GNAI1: variants seen among roughly 807,000 people sequenced by gnomAD.
The protein encoded by GNAI1 is guanine nucleotide-binding protein G(i) subunit alpha-1.
GNAI1 carries 11 observed loss-of-function variants against 38.9 expected under a neutral mutation model. The observed-to-expected ratio is 0.28, with a 90% CI of 0.18 to 0.47. The LOEUF is 0.47. Among genes scored for constraint, GNAI1 ranks in the 20% least tolerant of loss-of-function variants. The pLI is 0.99. For synonymous variants in GNAI1, 166 were observed against 145.1 expected (o/e 1.14, Z -1.04); for missense variants, 317 against 436.9 (o/e 0.73, Z 2.45).
chr7:80,135,599 G>C (rs949035566), intron 1 of GNAI1, among the ~76,000 whole-genome samples: 1 of 146,910 alleles, frequency 6.8e-6, no homozygotes, highest in East Asian at 2.0e-4. Context: ...TTGAAGTTTA[G>C]CTCAGCCTTG....
rs61749901 is a variant in GNAI1, at chr7:80,217,448, A to T, written c.1020A>T (p.Thr340=). The stretch of plus-strand genomic sequence containing the variant: ...TGCAGTTTGTTTTTGATGCTGTAAC[A>T]GATGTCATCATAAAAAATAATCTAA... ...KNVQFVFDAV[T]DVIIKNNLKD... is the part of the protein sequence containing the mutation. The change falls in exon 8 of 8, where the codon ACA becomes ACT. Residue 340 remains threonine (T), a synonymous_variant. Transcript: ENST00000649796. 3,164 of 1,606,074 alleles carry T rather than the reference A, an allele frequency of 2.0e-3. 8 individuals carry two copies. Among genetic ancestry groups the T allele is most frequent in the Non-Finnish European group, 2.6e-3 (3,009 of 1,177,098 alleles).
intron 4 of GNAI1, among the ~76,000 whole-genome samples, chr7:80,201,754 A>G (rs1417203280): frequency 2.0e-5 from 3 of 152,070 alleles, no homozygotes; most frequent in Non-Finnish European, 4.4e-5. Flanking sequence ...TATAAAATGA[A>G]AAATATGTTG....
At chr7:80,170,724 A>AC (rs1305335487) in intron 1 of GNAI1, among the ~76,000 whole-genome samples, 1 of 152,126 alleles carries the variant, frequency 6.6e-6, no homozygotes, top group Non-Finnish European at 1.5e-5. Context: ...TATCACCAGA[A>AC]CAGCACCAAA....
At chr7:80,164,277 C>T (rs1027587885) in intron 1 of GNAI1, among the ~76,000 whole-genome samples, 4 of 151,416 alleles carry the variant, frequency 2.6e-5, no homozygotes, top group South Asian at 4.2e-4. Flanking sequence ...CTCTTGACCT[C>T]GTGAGCTGCC....
intron 1 of GNAI1, among the ~76,000 whole-genome samples, chr7:80,159,761 A>C (rs1314824421): frequency 6.6e-6 from 1 of 152,142 alleles, no homozygotes; most frequent in East Asian, 1.9e-4. Flanking sequence ...CTAGTGTTCA[A>C]GTAGGCTGAA....
At chr7:80,205,460 G>A (rs1445669782) in intron 5 of GNAI1, among the ~76,000 whole-genome samples, 1 of 152,056 alleles carries the variant, frequency 6.6e-6, no homozygotes, top group Non-Finnish European at 1.5e-5. Flanking sequence ...AGTTGTCACT[G>A]CAGGAAATTG....
In GNAI1 at chr7:80,178,216, A is replaced by G. The variant is rs142378644; in HGVS notation, c.119-10735A>G. Among the ~76,000 whole-genome samples the G allele has an allele frequency of 1.2e-3, 187 of 152,348 alleles. 4 individuals are homozygous for G. In the East Asian group the frequency reaches 0.032, roughly 26 times the overall value. ...GAGGAATTGCTTCTTGTAGATGAAC[A>G]AAGAAAATGGTTTCTTGAGATGGAG... On this transcript the variant is annotated intron_variant, in intron 1 of 7. Transcript: ENST00000649796.
intron 1 of GNAI1, chr7:80,187,233 G>T (rs533259036): frequency 3.4e-5 from 5 of 148,214 alleles, no homozygotes; most frequent in African/African-American, 1.3e-4. Flanking sequence ...GTGTGTGTGT[G>T]TGTGTGTCTT....
At chr7:80,165,806 A>G (rs1788002295) in intron 1 of GNAI1, among the ~76,000 whole-genome samples, 1 of 152,194 alleles carries the variant, frequency 6.6e-6, no homozygotes, top group African/African-American at 2.4e-5. Flanking sequence ...TGATTTGGAA[A>G]TAAATCATAG....
intron 4 of GNAI1, among the ~76,000 whole-genome samples, chr7:80,203,209 T>C (rs182216352): frequency 1.1e-4 from 16 of 152,322 alleles, no homozygotes; most frequent in Non-Finnish European, 1.5e-5. Flanking sequence ...TTTTCCTGTA[T>C]GTAACATAAG....
rs1353589309 is a variant in GNAI1, at chr7:80,189,107, G to A, written c.179G>A (p.Gly60Asp). The part of the protein sequence containing the change: ...VKQMKIIHEA[G>D]YSEEECKQYK... ...CTCATTAGAATTATCCATGAAGCTGGTTATTCAGAAGAGGAGTGTAAACAA... is the reference window on the plus strand; with the variant it reads ...CTCATTAGAATTATCCATGAAGCTGATTATTCAGAAGAGGAGTGTAAACAA... Residue 60 changes from glycine (G) to aspartate (D), a missense_variant, in exon 3 of 8, where the codon GGT (glycine) becomes GAT (aspartate). Transcript: ENST00000649796. The A allele has an allele frequency of 6.2e-7, 1 of 1,604,850 alleles. No homozygotes were observed. The highest frequency in any genetic ancestry group is 1.7e-5 in the Admixed American group (1 of 57,820).
intron 1 of GNAI1, among the ~76,000 whole-genome samples, chr7:80,154,645 A>G (rs2116110030): frequency 6.6e-6 from 1 of 152,328 alleles, no homozygotes; most frequent in South Asian, 2.1e-4. Flanking sequence ...GTTGACAAAT[A>G]ACATGTTAAA....
chr7:80,135,988 AC>A lies in GNAI1; in HGVS notation c.118+711del, dbSNP rs1787407669. The A allele has an allele frequency of 4.1e-6, 4 of 985,110 alleles. No individual in the cohort carries two copies. In the African/African-American group the frequency reaches 5.2e-5, roughly 13 times the overall value. 61.0% of individuals were successfully genotyped at this position (985,110 alleles called of 1,614,324 possible). ...CAAGGCAGATACTCGAGTGGTGAAA[AC>A]TGCTGTGAAAGAGCGAGAGGGTCAC... On this transcript the variant is annotated intron_variant, in intron 1 of 7. Coordinates refer to ENST00000649796, the MANE Select transcript of GNAI1 (RefSeq NM_002069.6).
intron 1 of GNAI1, among the ~76,000 whole-genome samples, chr7:80,174,440 T>G (rs1788147573): frequency 6.6e-6 from 1 of 151,438 alleles, no homozygotes; most frequent in Non-Finnish European, 1.5e-5. Flanking sequence ...ATGAATAGTT[T>G]TTGTATCTTC....
chr7:80,147,664 G>T (rs1364059787), intron 1 of GNAI1, among the ~76,000 whole-genome samples: 1 of 152,134 alleles, frequency 6.6e-6, no homozygotes, highest in Non-Finnish European at 1.5e-5. Flanking sequence ...TGATCTGTAG[G>T]TGGTGCATAC....
intron 1 of GNAI1, among the ~76,000 whole-genome samples, chr7:80,142,264 A>G (rs1056580441): frequency 6.6e-6 from 1 of 152,230 alleles, no homozygotes; most frequent in Non-Finnish European, 1.5e-5. Context: ...TTGAAAGTGC[A>G]AAATAATTGT....
intron 1 of GNAI1, among the ~76,000 whole-genome samples, chr7:80,156,615 G>A (rs1487578198): frequency 6.6e-5 from 10 of 151,852 alleles, no homozygotes; most frequent in Non-Finnish European, 4.4e-5. Context: ...TTTTTATTTC[G>A]TAGAGGTGGT....
intron 1 of GNAI1, among the ~76,000 whole-genome samples, chr7:80,184,174 C>T (rs765386288): frequency 2.1e-4 from 32 of 152,238 alleles, no homozygotes; most frequent in Non-Finnish European, 3.5e-4. Flanking sequence ...AGAAAGAATT[C>T]GGCCGAGGGG....
chr7:80,216,069 G>T (rs1417835283), intron 7 of GNAI1, among the ~76,000 whole-genome samples: 2 of 152,216 alleles, frequency 1.3e-5, no homozygotes, highest in African/African-American at 2.4e-5. Flanking sequence ...GGTTTAAACA[G>T]TTTTTTTCCA....
Sources: allele counts gnomAD v4.1 joint callset (sites outside exome capture counted in the v4.1 genomes callset), GRCh38; gene constraint gnomAD v4.1.1; transcripts MANE v1.5; gene names NCBI Gene and HGNC (gene_info 2026-07-23, HGNC 2026-07-21).